Variants in LPP observed in about 807,000 individuals in gnomAD.
LPP encodes LIM domain containing preferred translocation partner in lipoma.
In LPP, 38 loss-of-function variants were observed where a neutral mutation model predicts 60.4. The ratio of observed to expected loss-of-function variants is 0.63; its 90% CI spans 0.49 to 0.83. The LOEUF is 0.83. Ranked by LOEUF, LPP falls within the 40% of genes least tolerant of loss-of-function variation. The pLI, the probability that LPP is intolerant of heterozygous loss-of-function variation, is 0.00. For synonymous variants in LPP, 328 were observed against 290.8 expected (o/e 1.13, Z -1.30); for missense variants, 902 against 783.6 (o/e 1.15, Z -1.80).
chr3:188,722,440 A>G (rs1716811648), intron 8 of LPP, among the ~76,000 whole-genome samples: 1 of 152,208 alleles, frequency 6.6e-6, no homozygotes, highest in Non-Finnish European at 1.5e-5. Flanking sequence ...TTTGTCAGAT[A>G]GCTTAGTAAA....
intron 10 of LPP, among the ~76,000 whole-genome samples, chr3:188,867,033 T>C (rs1766813262): frequency 6.6e-6 from 1 of 152,124 alleles, no homozygotes; most frequent in Admixed American, 6.6e-5. Context: ...AAATTGTGTG[T>C]TCTTTTGAGG....
chr3:188,195,267 A>G (rs1729216275), intron 1 of LPP, among the ~76,000 whole-genome samples: 1 of 151,948 alleles, frequency 6.6e-6, no homozygotes, highest in Non-Finnish European at 1.5e-5. Context: ...CAAAAAAAAA[A>G]AGAAAGAAAA....
chr3:188,508,571 A>G (rs10937349), intron 5 of LPP, among the ~76,000 whole-genome samples: 28,655 of 152,186 alleles, frequency 0.19, 3,200 homozygotes, highest in East Asian at 0.47. Flanking sequence ...ATGCCAACTT[A>G]TAGTTGATTT....
At chr3:188,676,180 T>G (rs1336772453) in intron 7 of LPP, among the ~76,000 whole-genome samples, 1 of 152,230 alleles carries the variant, frequency 6.6e-6, no homozygotes, top group Non-Finnish European at 1.5e-5. Flanking sequence ...TTCTTGAAGA[T>G]TAGATTTGTG....
At chr3:188,480,278 A>G (rs1804408434) in intron 4 of LPP, among the ~76,000 whole-genome samples, 1 of 151,990 alleles carries the variant, frequency 6.6e-6, no homozygotes, top group Admixed American at 6.6e-5. Context: ...GATTTGTCCA[A>G]CTCCTCATTT....
At chr3:188,825,269 C>CTG (rs3057956) in intron 9 of LPP, among the ~76,000 whole-genome samples, 2,220 of 101,718 alleles carry the variant, frequency 0.022, 49 homozygotes, top group Middle Eastern at 0.055. Flanking sequence ...CTCTCTCTCT[C>CTG]TGTGTGTGTG....
rs987131952 is a variant in LPP at position 188,293,991 on chromosome 3, G to A, written c.-66-47672G>A. 2.0e-5 allele frequency among the ~76,000 whole-genome samples: 3 copies of A among 148,504 alleles called. No homozygotes were observed. The South Asian group carries it at 6.4e-4, about 32-fold the overall frequency. On this transcript the variant is annotated intron_variant, in intron 2 of 11. Coordinates refer to ENST00000617246, the MANE Select transcript of LPP (RefSeq NM_001375462.1). ...TGAGGCAGGAGAATGGCTTGAACCC[G>A]GGAGGTGGAGGTTGCAGTGAGCCGA...
chr3:188,510,729 G>A (rs1030866194), intron 5 of LPP, among the ~76,000 whole-genome samples: 5 of 152,134 alleles, frequency 3.3e-5, no homozygotes, highest in Admixed American at 2.0e-4. Flanking sequence ...AAGAACACTC[G>A]TGTTTGCCAA....
At chr3:188,780,038 G>A (rs1019034244) in intron 9 of LPP, among the ~76,000 whole-genome samples, 54 of 152,144 alleles carry the variant, frequency 3.5e-4, no homozygotes, top group African/African-American at 1.3e-3. Flanking sequence ...TGACTGGAAT[G>A]TAAGGCTGTG....
At chr3:188,167,736 G>T (rs1038116950) in intron 1 of LPP, among the ~76,000 whole-genome samples, 1 of 151,990 alleles carries the variant, frequency 6.6e-6, no homozygotes, top group Admixed American at 6.6e-5. Context: ...TTTCAGAGAA[G>T]AATTATAGCA....
At chr3:188,699,092 C>T (rs1342850145) in intron 7 of LPP, among the ~76,000 whole-genome samples, 1 of 152,182 alleles carries the variant, frequency 6.6e-6, no homozygotes, top group Non-Finnish European at 1.5e-5. Flanking sequence ...TACAAAGCTT[C>T]TTCATATGAA....
intron 7 of LPP, among the ~76,000 whole-genome samples, chr3:188,685,978 C>T (rs1325898631): frequency 6.6e-6 from 1 of 152,152 alleles, no homozygotes; most frequent in African/African-American, 2.4e-5. Flanking sequence ...AGTCAAGGCG[C>T]TTCCCTGGCC....
intron 9 of LPP, among the ~76,000 whole-genome samples, chr3:188,825,265 CTCTCTGTGTG>C (rs1157400877): frequency 8.2e-4 from 83 of 100,714 alleles, no homozygotes; most frequent in African/African-American, 2.8e-3. Context: ...CTCTCTCTCT[CTCTCTGTGTG>C]TGTGTGTGTG....
intron 6 of LPP, among the ~76,000 whole-genome samples, chr3:188,558,028 T>C (rs1461054919): frequency 2.6e-5 from 4 of 152,114 alleles, no homozygotes; most frequent in Non-Finnish European, 4.4e-5. Flanking sequence ...TGCGTGTTTG[T>C]ACACCTTCTT....
intron 9 of LPP, among the ~76,000 whole-genome samples, chr3:188,862,759 A>G (rs1026178849): frequency 6.9e-6 from 1 of 145,576 alleles, no homozygotes; most frequent in Non-Finnish European, 1.5e-5. Flanking sequence ...AAAAGAAAGA[A>G]AGAAAAAGAA....
At position 188,243,880 on chromosome 3, in the gene LPP, A is replaced by G. The variant is rs533877302; in HGVS notation, c.-67+18353A>G. Among the ~76,000 whole-genome samples the G allele has an allele frequency of 1.1e-3, 172 of 151,974 alleles. 1 individual carries two copies. The highest frequency in any genetic ancestry group is 6.3e-4 in the Non-Finnish European group (43 of 67,966). On this transcript the variant is annotated intron_variant, in intron 2 of 11. Transcript: ENST00000617246. ...TTTAATTAATTATTTTATTTTTAAA[A>G]TTTTTATTTTTTTGAGACAGAGTCT...
intron 7 of LPP, among the ~76,000 whole-genome samples, chr3:188,676,321 G>A (rs1391570212): frequency 6.6e-6 from 1 of 152,130 alleles, no homozygotes; most frequent in African/African-American, 2.4e-5. Flanking sequence ...GCGGGTACAA[G>A]CTGTCAATTA....
chr3:188,886,400 G>A lies in LPP; in HGVS notation c.*11921G>A, dbSNP rs74407036. The A allele has an allele frequency of 7.0e-3, 1,274 of 181,610 alleles. 21 individuals carry two copies. Among genetic ancestry groups the A allele is most frequent in the African/African-American group, 0.029 (1,210 of 41,036 alleles). The allele number at this position is 181,610 out of a possible 1,614,324, so 11.2% of individuals were successfully genotyped here. Reference sequence around the variant, plus strand: ...CAGTGAGTGGAAAATGATTCTTGTCGAATAGACAGAGTATTCCCACCCCAG... The same window carrying A: ...CAGTGAGTGGAAAATGATTCTTGTCAAATAGACAGAGTATTCCCACCCCAG... On this transcript the variant is annotated 3_prime_UTR_variant, in exon 12 of 12. Coordinates refer to ENST00000617246, the MANE Select transcript of LPP (RefSeq NM_001375462.1).
intron 6 of LPP, among the ~76,000 whole-genome samples, chr3:188,588,511 A>C (rs1837975272): frequency 2.0e-5 from 3 of 152,164 alleles, no homozygotes. Context: ...TAACAGAACA[A>C]CTCTGGAGCC....
Sources: allele counts gnomAD v4.1 joint callset (sites outside exome capture counted in the v4.1 genomes callset), GRCh38; gene constraint gnomAD v4.1.1; transcripts MANE v1.5; gene names NCBI Gene and HGNC (gene_info 2026-07-23, HGNC 2026-07-21).